Variants in MSH3 observed in about 807,000 individuals in gnomAD.
MSH3 encodes the protein DNA mismatch repair protein Msh3.
MSH3 carries 106 observed loss-of-function variants against 123.3 expected under a neutral mutation model. The ratio of observed to expected loss-of-function variants is 0.86; its 90% CI spans 0.73 to 1.01. MSH3 has a LOEUF of 1.01. Among genes scored for constraint, MSH3 ranks in the 50% least tolerant of loss-of-function variants. The pLI is 0.00. For missense variants in MSH3, 1,459 were observed against 1,347.6 expected (o/e 1.08, Z -1.29); for synonymous variants, 515 against 481.4 (o/e 1.07, Z -0.91).
At chr5:80,706,111 A>G (rs984036539) in intron 8 of MSH3, among the ~76,000 whole-genome samples, 2 of 152,198 alleles carry the variant, frequency 1.3e-5, no homozygotes, top group Admixed American at 6.5e-5. Context: ...TCATTGAGCT[A>G]TGAACTCCAG....
At chr5:80,744,765 C>G (rs1480015699) in intron 12 of MSH3, 150 bp downstream of exon 12, 3 of 685,120 alleles carry the variant, frequency 4.4e-6, no homozygotes, top group South Asian at 1.8e-5. Context: ...GACTGGCTCT[C>G]TAGTATTACA....
chr5:80,777,284 C>CT (rs1318057970), intron 16 of MSH3, among the ~76,000 whole-genome samples: 176 of 146,204 alleles, frequency 1.2e-3, no homozygotes, highest in Non-Finnish European at 1.4e-3. Context: ...CTAATACCAT[C>CT]TTTTTTTTTT....
intron 19 of MSH3, among the ~76,000 whole-genome samples, chr5:80,812,499 G>C (rs114280556): frequency 0.019 from 2,936 of 151,774 alleles, 96 homozygotes; most frequent in African/African-American, 0.068. Flanking sequence ...GAACCTCACT[G>C]GTTCTCAGTT....
chr5:80,866,543 G>A (rs1208073895), intron 22 of MSH3, among the ~76,000 whole-genome samples: 1 of 152,120 alleles, frequency 6.6e-6, no homozygotes, highest in East Asian at 1.9e-4. Context: ...CCCCATCCTA[G>A]TCCCAAGGCA....
chr5:80,699,567 A>G, intron 8 of MSH3, among the ~76,000 whole-genome samples: 1 of 151,808 alleles, frequency 6.6e-6, no homozygotes, highest in South Asian at 2.1e-4. Context: ...CCAAAAAAAA[A>G]AAAAAAAAAA....
intron 10 of MSH3, among the ~76,000 whole-genome samples, chr5:80,740,447 TC>T (rs1743591400): frequency 6.7e-6 from 1 of 149,640 alleles, no homozygotes; most frequent in Non-Finnish European, 1.5e-5. Context: ...AACCTCCGCC[TC>T]CCGGGTTCAA....
chr5:80,736,188 T>A (rs918831587), intron 10 of MSH3, among the ~76,000 whole-genome samples: 1 of 152,066 alleles, frequency 6.6e-6, no homozygotes, highest in Non-Finnish European at 1.5e-5. Flanking sequence ...ATCGCGCCAT[T>A]GCACTCCAAC....
intron 11 of MSH3, among the ~76,000 whole-genome samples, chr5:80,744,108 C>T (rs1051808290): frequency 5.3e-5 from 8 of 152,110 alleles, no homozygotes; most frequent in Non-Finnish European, 1.0e-4. Context: ...CTATCTCCAG[C>T]ACCTTGTTCA....
At chr5:80,708,240 ATATTT>A (rs1275083972) in intron 8 of MSH3, among the ~76,000 whole-genome samples, 5 of 151,998 alleles carry the variant, frequency 3.3e-5, no homozygotes, top group African/African-American at 4.8e-5. Context: ...ACATTTTCTC[ATATTT>A]TATTTTAGTT....
intron 12 of MSH3, among the ~76,000 whole-genome samples, chr5:80,750,078 AGTGTGTGTGT>A (rs57762095): frequency 2.2e-5 from 3 of 134,206 alleles, no homozygotes; most frequent in East Asian, 2.2e-4. Flanking sequence ...AGTATTCCAG[AGTGTGTGTGT>A]GTGTGTGTGT....
intron 8 of MSH3, among the ~76,000 whole-genome samples, chr5:80,682,393 T>C (rs1196887889): frequency 1.3e-5 from 2 of 152,106 alleles, no homozygotes; most frequent in African/African-American, 4.8e-5. Flanking sequence ...GAAGGCTCTC[T>C]GTAAGAGGAA....
At chr5:80,829,517 A>C (rs1745382848) in intron 20 of MSH3, among the ~76,000 whole-genome samples, 1 of 152,168 alleles carries the variant, frequency 6.6e-6, no homozygotes, top group African/African-American at 2.4e-5. Flanking sequence ...TTCTTTAGCC[A>C]GTTGATGTGA....
At chr5:80,847,301 C>T (rs1024495662) in intron 20 of MSH3, among the ~76,000 whole-genome samples, 2 of 150,762 alleles carry the variant, frequency 1.3e-5, no homozygotes, top group African/African-American at 4.9e-5. Context: ...CTCAAGTGAT[C>T]TGCCTGCCTC....
intron 15 of MSH3, among the ~76,000 whole-genome samples, 197 bp downstream of exon 15, chr5:80,769,200 G>T (rs752941980): frequency 6.6e-6 from 1 of 152,084 alleles, no homozygotes; most frequent in Non-Finnish European, 1.5e-5. Context: ...TCTTGTTAAA[G>T]TAATGCAACT....
In MSH3 at chr5:80,864,856, G is replaced by T. The variant is rs2112118419; in HGVS notation, c.3044G>T (p.Cys1015Phe). 1 of 1,613,458 alleles carries T rather than the reference G, an allele frequency of 6.2e-7. No individual in the cohort carries two copies. The highest frequency in any genetic ancestry group is 8.5e-7 in the Non-Finnish European group (1 of 1,179,438). The change falls in exon 22 of 24, where the codon TGT becomes TTT. Residue 1015 changes from cysteine to phenylalanine, a missense_variant. Cys to Phe is a radical substitution (Grantham distance 205). Coordinates refer to ENST00000265081, the MANE Select transcript of MSH3 (RefSeq NM_002439.5). ...TTTGTCACCCATTATCCGCCAGTTTGTGAACTAGAAAAAAATTACTCACAC... is the reference window on the plus strand; with the variant it reads ...TTTGTCACCCATTATCCGCCAGTTTTTGAACTAGAAAAAAATTACTCACAC... ...TLFVTHYPPV[C>F]ELEKNYSHQV...
chr5:80,656,312 G>A lies in MSH3; in HGVS notation c.238-99G>A, dbSNP rs1021435692. Reference sequence around the variant, plus strand: ...GGATTCTTTGAAGAGTGGATGGCAAGGAACCTTGTCATTCAGTTGTAAGGT... The same window carrying A: ...GGATTCTTTGAAGAGTGGATGGCAAAGAACCTTGTCATTCAGTTGTAAGGT... On this transcript the variant is annotated intron_variant, in intron 1 of 23. Coordinates refer to ENST00000265081, the MANE Select transcript of MSH3 (RefSeq NM_002439.5). 3 of 1,504,420 alleles carry A rather than the reference G, an allele frequency of 2.0e-6. No homozygotes were observed. The African/African-American group carries it at 4.1e-5, about 21-fold the overall frequency. The allele number at this position is 1,504,420 out of a possible 1,614,324, so 93.2% of individuals were successfully genotyped here.
chr5:80,707,851 T>G (rs1256014972), intron 8 of MSH3, among the ~76,000 whole-genome samples: 1 of 152,238 alleles, frequency 6.6e-6, no homozygotes, highest in African/African-American at 2.4e-5. Context: ...CTCTTGTCAG[T>G]CTTTTAAACT....
At chr5:80,875,333 T>A (rs1389365054) in intron 23 of MSH3, among the ~76,000 whole-genome samples, 1 of 151,836 alleles carries the variant, frequency 6.6e-6, no homozygotes, top group Non-Finnish European at 1.5e-5. Flanking sequence ...AAAAAGTAAG[T>A]CTGTGTTATG....
At chr5:80,656,872 C>A (rs917828946) in intron 2 of MSH3, among the ~76,000 whole-genome samples, 1 of 152,070 alleles carries the variant, frequency 6.6e-6, no homozygotes, top group Non-Finnish European at 1.5e-5. Context: ...CCCCATAATC[C>A]CTCCCTTTGA....
Sources: allele counts gnomAD v4.1 joint callset (sites outside exome capture counted in the v4.1 genomes callset), GRCh38; gene constraint gnomAD v4.1.1; transcripts MANE v1.5; gene names NCBI Gene and HGNC (gene_info 2026-07-23, HGNC 2026-07-21).